The following MIPOL1 variants were observed in gnomAD, a reference collection of about 807,000 sequenced individuals.
MIPOL1 encodes the protein mirror-image polydactyly gene 1 protein.
Under a neutral mutation model 60.9 loss-of-function variants are expected in MIPOL1, and 57 were observed. The ratio of observed to expected loss-of-function variants is 0.94; its 90% CI spans 0.76 to 1.17. The LOEUF (loss-of-function observed/expected upper bound fraction) is 1.17. MIPOL1 is among the 50% of genes most tolerant of loss of function. The pLI is 0.00. For missense variants in MIPOL1, 551 were observed against 511.6 expected (o/e 1.08, Z -0.74); for synonymous variants, 179 against 168.8 (o/e 1.06, Z -0.47).
chr14:37,364,102 ACGCCC>A (rs1194848570), intron 9 of MIPOL1, among the ~76,000 whole-genome samples: 1 of 152,200 alleles, frequency 6.6e-6, no homozygotes, highest in East Asian at 1.9e-4. Context: ...GGGTGAGGTG[ACGCCC>A]TGCCCTGCTT....
intron 11 of MIPOL1, among the ~76,000 whole-genome samples, chr14:37,479,760 T>C (rs1484346008): frequency 4.6e-5 from 7 of 151,988 alleles, no homozygotes; most frequent in Non-Finnish European, 1.0e-4. Flanking sequence ...GAATTGGTTT[T>C]TTAAAAAGAT....
chr14:37,230,891 A>G (rs1016355344), intron 1 of MIPOL1, among the ~76,000 whole-genome samples: 2 of 152,192 alleles, frequency 1.3e-5, no homozygotes, highest in African/African-American at 4.8e-5. Context: ...GTACAATTCA[A>G]TATTTTACCT....
chr14:37,422,012 A>G lies in MIPOL1; in HGVS notation c.937-843A>G, dbSNP rs139675954. 2.4e-3 allele frequency among the ~76,000 whole-genome samples: 364 copies of G among 152,190 alleles called. 3 individuals are homozygous for G. Among genetic ancestry groups the G allele is most frequent in the African/African-American group, 8.2e-3 (340 of 41,538 alleles). On this transcript the variant is annotated intron_variant, in intron 10 of 12. Transcript: ENST00000684589. ...ACCATTTAAAGCAAAGTGAAAGATA[A>G]CCATTTTATGAAAATTTAACTTTGA... is the stretch of plus-strand genomic sequence containing the variant.
intron 12 of MIPOL1, among the ~76,000 whole-genome samples, chr14:37,541,729 A>G (rs2153641143): frequency 6.6e-6 from 1 of 152,178 alleles, no homozygotes; most frequent in Admixed American, 6.5e-5. Flanking sequence ...CTTCCTCCAC[A>G]CCTACAGAAT....
intron 12 of MIPOL1, among the ~76,000 whole-genome samples, chr14:37,509,639 A>T (rs1452241080): frequency 1.3e-5 from 2 of 151,540 alleles, no homozygotes; most frequent in Non-Finnish European, 2.9e-5. Context: ...TTATATATGT[A>T]TATACACATA....
chr14:37,204,106 A>C (rs1018694676), intron 1 of MIPOL1, among the ~76,000 whole-genome samples: 2 of 82,470 alleles, frequency 2.4e-5, no homozygotes, highest in Non-Finnish European at 5.2e-5. Flanking sequence ...AATCCTGCCA[A>C]CGACCACCGA....
intron 9 of MIPOL1, among the ~76,000 whole-genome samples, chr14:37,348,870 C>T (rs868250947): frequency 2.0e-5 from 3 of 148,046 alleles, no homozygotes; most frequent in Non-Finnish European, 4.4e-5. Context: ...CTCTGTCACC[C>T]GGGCTGGAGA....
At chr14:37,243,946 T>C (rs1440689711) in intron 1 of MIPOL1, among the ~76,000 whole-genome samples, 1 of 152,056 alleles carries the variant, frequency 6.6e-6, no homozygotes, top group Admixed American at 6.6e-5. Flanking sequence ...AGCATAGGGA[T>C]ATTTGTTTAA....
chr14:37,495,157 T>A (rs1329294451), intron 11 of MIPOL1, among the ~76,000 whole-genome samples: 2 of 151,418 alleles, frequency 1.3e-5, no homozygotes, highest in Non-Finnish European at 2.9e-5. Context: ...ATACTTTAAG[T>A]TTTAGGGTAC....
chr14:37,359,834 T>C (rs567526268), intron 9 of MIPOL1, among the ~76,000 whole-genome samples: 1 of 152,342 alleles, frequency 6.6e-6, no homozygotes, highest in South Asian at 2.1e-4. Flanking sequence ...CCGATTGCCC[T>C]GGCCAGAACT....
chr14:37,492,812 T>C (rs751545721), intron 11 of MIPOL1, among the ~76,000 whole-genome samples: 5 of 152,150 alleles, frequency 3.3e-5, no homozygotes, highest in African/African-American at 4.8e-5. Context: ...CTATCCTCTG[T>C]TTAGCAGCAT....
chr14:37,516,247 G>A (rs2153628026), intron 12 of MIPOL1, among the ~76,000 whole-genome samples: 1 of 152,244 alleles, frequency 6.6e-6, no homozygotes, highest in East Asian at 1.9e-4. Flanking sequence ...AGAAAAGGAT[G>A]AAAAGAGTAC....
At chr14:37,326,129 A>G (rs972217956) in intron 9 of MIPOL1, among the ~76,000 whole-genome samples, 6 of 152,334 alleles carry the variant, frequency 3.9e-5, no homozygotes, top group African/African-American at 1.4e-4. Context: ...ATTGTATAAT[A>G]GACTCTGATA....
intron 1 of MIPOL1, among the ~76,000 whole-genome samples, 151 bp from the exon 2 acceptor site, chr14:37,246,952 T>A (rs1973287152): frequency 6.6e-6 from 1 of 152,118 alleles, no homozygotes; most frequent in Admixed American, 6.6e-5. Flanking sequence ...CTCCAGAGGT[T>A]ATTAAAGACT....
At chr14:37,343,489 G>T (rs1322953636) in intron 9 of MIPOL1, among the ~76,000 whole-genome samples, 1 of 152,106 alleles carries the variant, frequency 6.6e-6, no homozygotes, top group Admixed American at 6.6e-5. Context: ...TTTCTGTTTT[G>T]ACTGGAAAAG....
At chr14:37,408,143 A>G (rs958009338) in intron 10 of MIPOL1, among the ~76,000 whole-genome samples, 3 of 151,954 alleles carry the variant, frequency 2.0e-5, no homozygotes, top group African/African-American at 7.3e-5. Flanking sequence ...AAGTGTTGGG[A>G]ACACTGGCGT....
chr14:37,455,737 A>G (rs2094469810), intron 11 of MIPOL1, among the ~76,000 whole-genome samples: 2 of 152,128 alleles, frequency 1.3e-5, no homozygotes, highest in Non-Finnish European at 1.5e-5. Context: ...TTCTTAAGGC[A>G]AGGATGCTCT....
chr14:37,446,117 A>G (rs982730501), intron 11 of MIPOL1, among the ~76,000 whole-genome samples: 3 of 152,228 alleles, frequency 2.0e-5, no homozygotes, highest in African/African-American at 7.2e-5. Context: ...AAAAGACACT[A>G]CCATCAGAGT....
intron 12 of MIPOL1, chr14:37,507,116 A>C (rs2095284438): frequency 6.6e-6 from 1 of 152,168 alleles, no homozygotes; most frequent in Non-Finnish European, 1.5e-5. Flanking sequence ...CAGAAGCTGG[A>C]GAGGATGTGG....
Sources: allele counts gnomAD v4.1 joint callset (sites outside exome capture counted in the v4.1 genomes callset), GRCh38; gene constraint gnomAD v4.1.1; transcripts MANE v1.5; gene names NCBI Gene and HGNC (gene_info 2026-07-23, HGNC 2026-07-21).